The following GPX4 variants were observed in gnomAD, a reference collection of about 807,000 sequenced individuals.
GPX4 encodes phospholipid hydroperoxide glutathione peroxidase GPX4.
In GPX4, 28 loss-of-function variants were observed where a neutral mutation model predicts 27.8. The ratio of observed to expected loss-of-function variants is 1.01; its 90% CI spans 0.75 to 1.38. The LOEUF is 1.38. GPX4 is among the 40% of genes most tolerant of loss of function. The probability of loss-of-function intolerance (pLI) is 0.00; values close to 1 mark genes in which losing one functional copy is unlikely to be tolerated. For missense variants in GPX4, 357 were observed against 274.1 expected (o/e 1.30, Z -2.14); for synonymous variants, 163 against 107.8 (o/e 1.51, Z -3.17).
chr19:1,106,737 C>G lies in GPX4; in HGVS notation c.*165C>G. ...ATGGCCTGCTGGGCTTGGCTCGGCG[C>G]CCCCACCCCTGGCTACCTTGTGGGA... is the stretch of plus-strand genomic sequence containing the variant. On this transcript the variant is annotated 3_prime_UTR_variant, in exon 7 of 7. Transcript: ENST00000354171. The G allele has an allele frequency of 1.2e-6, 1 of 816,452 alleles. No homozygotes were observed. The highest frequency in any genetic ancestry group is 1.9e-6 in the Non-Finnish European group (1 of 528,778). The allele number at this position is 816,452 out of a possible 1,614,324, so 50.6% of individuals were successfully genotyped here.
At chr19:1,104,748 G>T in intron 1 of GPX4, 1 of 985,990 alleles carries the variant, frequency 1.0e-6, no homozygotes, top group Non-Finnish European at 1.2e-6. Context: ...GGCCGCGCGG[G>T]CGCAGGCTCC....
intron 1 of GPX4, chr19:1,104,680 C>A (rs1342295137): frequency 3.5e-5 from 34 of 984,634 alleles, no homozygotes; most frequent in Non-Finnish European, 4.0e-5. Flanking sequence ...GGCCCTTTGT[C>A]CCCGCTAGCG....
At position 1,106,394 on chromosome 19, in the gene GPX4, CCA is replaced by C. The variant is rs1383181441; in HGVS notation, c.502-3_502-2del. 1 of 1,613,532 alleles carries C rather than the reference CCA, an allele frequency of 6.2e-7. No homozygotes were observed. Among genetic ancestry groups the C allele is most frequent in the Non-Finnish European group, 8.5e-7 (1 of 1,179,948 alleles). On this transcript the variant is annotated splice_polypyrimidine_tract_variant and splice_region_variant and intron_variant, in intron 5 of 6. Coordinates refer to ENST00000354171, the MANE Select transcript of GPX4 (RefSeq NM_002085.5). ...GCCCCACAGTTTGGACACCGTCTCT[CCA>C]CAGTTCCTCATCGACAAGAACGGCT...
rs753017630 is a variant in GPX4, at chr19:1,106,671, G to C, written c.*99G>C. 2.0e-6 allele frequency: 3 copies of C among 1,537,166 alleles called. No homozygotes were observed. Among genetic ancestry groups the C allele is most frequent in the Non-Finnish European group, 2.7e-6 (3 of 1,129,494 alleles). On this transcript the variant is annotated 3_prime_UTR_variant, in exon 7 of 7. Transcript: ENST00000354171. ...TGCCTGCAAACCTGCTGGTGGGGCA[G>C]ACCCGAAAATCCAGCGTGCACCCCG...
chr19:1,106,535 G>T lies in GPX4; in HGVS notation c.562-5G>T. On this transcript the variant is annotated splice_polypyrimidine_tract_variant and splice_region_variant and intron_variant, in intron 6 of 6. Coordinates refer to ENST00000354171, the MANE Select transcript of GPX4 (RefSeq NM_002085.5). ...CTGCCCTAACCCAGCTTTCCTCCCC[G>T]ACAGGTGATAGAGAAGGACCTGCCC... The T allele has an allele frequency of 6.2e-7, 1 of 1,613,308 alleles. No homozygotes were observed. The highest frequency in any genetic ancestry group is 8.5e-7 in the Non-Finnish European group (1 of 1,179,754).
chr19:1,105,532 G>T (rs1425439972), intron 3 of GPX4, 22 bp downstream of exon 3: 1 of 1,341,028 alleles, frequency 7.5e-7, no homozygotes, highest in East Asian at 2.9e-5. Flanking sequence ...CGTCCCCGGG[G>T]CCCGCAGAGG....
chr19:1,104,540 C>T, intron 1 of GPX4: 1 of 754,478 alleles, frequency 1.3e-6, no homozygotes, highest in African/African-American at 1.9e-5. Context: ...AGCGGGGCTG[C>T]TGCGCCCGAG....
At position 1,106,559 on chromosome 19, in the gene GPX4, C is replaced by T. The variant is rs758936260; in HGVS notation, c.581C>T (p.Pro194Leu). The change falls in exon 7 of 7, where the codon CCC (proline) becomes CTC (leucine). Residue 194 changes from proline to leucine, a missense_variant. By Grantham distance (98) the Pro-to-Leu change is moderately conservative. Coordinates refer to ENST00000354171, the MANE Select transcript of GPX4 (RefSeq NM_002085.5). ...CGACAGGTGATAGAGAAGGACCTGC[C>T]CCACTATTTCTAGCTCCACAAGTGT... ...EEPLVIEKDL[P>L]HYF is the part of the protein sequence containing the mutation. 6.2e-7 allele frequency: 1 copy of T among 1,613,412 alleles called. No individual in the cohort carries two copies. Among genetic ancestry groups the T allele is most frequent in the East Asian group, 2.2e-5 (1 of 44,868 alleles).
Position 1,105,643 on chromosome 19 carries a change from C to A in GPX4, c.325-15C>A. 5.0e-6 allele frequency: 8 copies of A among 1,611,578 alleles called. No individual in the cohort carries two copies. Among genetic ancestry groups the A allele is most frequent in the Non-Finnish European group, 6.8e-6 (8 of 1,179,172 alleles). ...TGCCAGCCCCCGACTCACTCACACACCTTGGCCGCCACAGGAGCCAGGGAG... is the reference window on the plus strand; with the variant it reads ...TGCCAGCCCCCGACTCACTCACACAACTTGGCCGCCACAGGAGCCAGGGAG... On this transcript the variant is annotated splice_polypyrimidine_tract_variant and intron_variant, in intron 3 of 6. Coordinates refer to ENST00000354171, the MANE Select transcript of GPX4 (RefSeq NM_002085.5).
chr19:1,105,224 G>C lies in GPX4; in HGVS notation c.123G>C (p.Met41Ile). The C allele has an allele frequency of 1.9e-6, 3 of 1,613,094 alleles. No individual in the cohort carries two copies. The highest frequency in any genetic ancestry group is 2.5e-6 in the Non-Finnish European group (3 of 1,179,918). The change falls in exon 2 of 7, where the codon ATG becomes ATC. Residue 41 changes from methionine (M) to isoleucine (I), a missense_variant. Met to Ile is a conservative substitution (Grantham distance 10). Coordinates refer to ENST00000354171, the MANE Select transcript of GPX4 (RefSeq NM_002085.5). ...ACGACTGGCGCTGTGCGCGCTCCATGCACGAGTTTTCCGCCAAGGACATCG... is the reference window on the plus strand; with the variant it reads ...ACGACTGGCGCTGTGCGCGCTCCATCCACGAGTTTTCCGCCAAGGACATCG... Reference protein sequence around the residue: ...SRDDWRCARSMHEFSAKDIDG... With the variant: ...SRDDWRCARSIHEFSAKDIDG...
Position 1,106,695 on chromosome 19 carries a change from C to T in GPX4, c.*123C>T, listed in dbSNP as rs778354676. 32 of 1,349,030 alleles carry T rather than the reference C, an allele frequency of 2.4e-5. No individual in the cohort carries two copies. The highest frequency in any genetic ancestry group is 1.9e-4 in the Middle Eastern group (1 of 5,344). 83.6% of individuals were successfully genotyped at this position (1,349,030 alleles called of 1,614,324 possible). Reference sequence around the variant, plus strand: ...AGACCCGAAAATCCAGCGTGCACCCCGCCGGAGGAAGGTCCCATGGCCTGC... The same window carrying T: ...AGACCCGAAAATCCAGCGTGCACCCTGCCGGAGGAAGGTCCCATGGCCTGC... On this transcript the variant is annotated 3_prime_UTR_variant, in exon 7 of 7. Transcript: ENST00000354171.
chr19:1,106,136 G>C (rs2145169769), intron 4 of GPX4, 106 bp from the exon 5 acceptor site: 1 of 1,103,584 alleles, frequency 9.1e-7, no homozygotes, highest in Admixed American at 2.3e-5. Context: ...TGTGGCTGTG[G>C]AGGCAGCCGG....
chr19:1,106,314 C>T (rs1017114734), intron 5 of GPX4, 48 bp downstream of exon 5: 51 of 1,602,796 alleles, frequency 3.2e-5, no homozygotes, highest in Middle Eastern at 1.6e-4. Flanking sequence ...TGGCCACAGC[C>T]GTGGCCCAGA....
Position 1,105,648 on chromosome 19 carries a change from G to C in GPX4, c.325-10G>C. The C allele has an allele frequency of 4.3e-6, 7 of 1,611,932 alleles. No individual in the cohort carries two copies. The highest frequency in any genetic ancestry group is 1.7e-5 in the Admixed American group (1 of 59,900). On this transcript the variant is annotated splice_polypyrimidine_tract_variant and intron_variant, in intron 3 of 6. Transcript: ENST00000354171. ...GCCCCCGACTCACTCACACACCTTG[G>C]CCGCCACAGGAGCCAGGGAGTAACG... is the stretch of plus-strand genomic sequence containing the variant.
rs2079618808 is a variant in GPX4 at position 1,103,996 on chromosome 19, T to G, written c.-48T>G. 2.0e-6 allele frequency: 3 copies of G among 1,489,168 alleles called. No homozygotes were observed. Among genetic ancestry groups the G allele is most frequent in the Non-Finnish European group, 2.7e-6 (3 of 1,117,544 alleles). 92.2% of individuals were successfully genotyped at this position (1,489,168 alleles called of 1,614,324 possible). The stretch of plus-strand genomic sequence containing the variant: ...GCGCGGAAAGCCGACGCGCGTCCAT[T>G]GGTCGGCTGGACGAGGGGAGGAGCC... On this transcript the variant is annotated 5_prime_UTR_variant, in exon 1 of 7. The change creates a new upstream start codon in the 5' untranslated region. Transcript: ENST00000354171.
rs1599808397 is a variant in GPX4 at position 1,105,347 on chromosome 19, A to C, written c.180-19A>C. The C allele has an allele frequency of 6.2e-7, 1 of 1,611,328 alleles. No individual in the cohort carries two copies. Among genetic ancestry groups the C allele is most frequent in the Non-Finnish European group, 8.5e-7 (1 of 1,178,988 alleles). ...GAGGGGGCCGTGTTCTTCTGCGCTG[A>C]CGCCGCCGATCCTCGCAGGGGCTTC... On this transcript the variant is annotated intron_variant, in intron 2 of 6. Coordinates refer to ENST00000354171, the MANE Select transcript of GPX4 (RefSeq NM_002085.5).
rs377091174 is a variant in GPX4, at chr19:1,104,905, C to G, written c.85-281C>G. 246 of 1,382,342 alleles carry G rather than the reference C, an allele frequency of 1.8e-4. No homozygotes were observed. In the African/African-American group the frequency reaches 3.4e-3, roughly 19 times the overall value. 85.6% of individuals were successfully genotyped at this position (1,382,342 alleles called of 1,614,324 possible). ...CCCGCAGCTTGCGACCGGAGATCCA[C>G]GAATGTCCCAAGTCCCAGGACCCGG... On this transcript the variant is annotated intron_variant, in intron 1 of 6. Transcript: ENST00000354171.
intron 5 of GPX4, 28 bp from the exon 6 acceptor site, chr19:1,106,372 C>T (rs367960722): frequency 3.5e-5 from 57 of 1,613,192 alleles, no homozygotes; most frequent in Non-Finnish European, 4.7e-5. Context: ...AGGGGTGGCC[C>T]CACAGTTTGG....
At position 1,104,134 on chromosome 19, in the gene GPX4, T is replaced by C; in HGVS notation, c.84+7T>C. 6.9e-7 allele frequency: 1 copy of C among 1,457,970 alleles called. No homozygotes were observed. Among genetic ancestry groups the C allele is most frequent in the Non-Finnish European group, 9.0e-7 (1 of 1,111,370 alleles). 90.3% of individuals were successfully genotyped at this position (1,457,970 alleles called of 1,614,324 possible). A position where few individuals can be genotyped will look rare whatever the true frequency, so the allele number is the denominator to read the frequency against. On this transcript the variant is annotated splice_region_variant and intron_variant, in intron 1 of 6. Transcript: ENST00000354171. ...TGGCCTGGCCGGGACCATGGTGAGC[T>C]AGCGCCGCGGCCGTTGCCGGCCCGG...
Sources: gnomAD v4.1 joint callset for allele counts on GRCh38, gnomAD v4.1.1 for gene constraint, MANE v1.5 for transcripts, NCBI Gene and HGNC (gene_info 2026-07-23, HGNC 2026-07-21) for gene names.